The following GTF2IRD1 variants were observed in gnomAD, a reference collection of about 807,000 sequenced individuals.
GTF2IRD1 encodes GTF2I repeat domain containing 1, also known as general transcription factor II-I repeat domain-containing protein 1.
A neutral mutation model predicts 113.2 loss-of-function variants in GTF2IRD1; 26 were observed. The ratio of observed to expected loss-of-function variants is 0.23; its 90% CI spans 0.17 to 0.32. The LOEUF is 0.32. GTF2IRD1 is among the 10% of genes least tolerant of loss of function. GTF2IRD1 has a pLI of 1.00. For missense variants in GTF2IRD1, 864 were observed against 1,280.8 expected (o/e 0.67, Z 4.97); for synonymous variants, 484 against 529.1 (o/e 0.91, Z 1.17).
intron 25 of GTF2IRD1, 84 bp downstream of exon 25, chr7:74,595,135 G>T: frequency 1.1e-6 from 1 of 941,420 alleles, no homozygotes; most frequent in South Asian, 1.4e-5. Flanking sequence ...CCCGGGCGCA[G>T]TGGCTCATGC....
chr7:74,516,626 G>T (rs1444796876), intron 4 of GTF2IRD1, among the ~76,000 whole-genome samples: 1 of 152,188 alleles, frequency 6.6e-6, no homozygotes, highest in African/African-American at 2.4e-5. Context: ...AAAGGTCTGT[G>T]AGGAAACTTC....
chr7:74,466,975 G>T (rs1472518460), intron 1 of GTF2IRD1, among the ~76,000 whole-genome samples: 1 of 149,878 alleles, frequency 6.7e-6, no homozygotes. Context: ...TTTGGAGACA[G>T]GGTCTCGCTC....
chr7:74,579,752 C>A (rs1398001651), intron 22 of GTF2IRD1, among the ~76,000 whole-genome samples: 1 of 152,076 alleles, frequency 6.6e-6, no homozygotes, highest in Non-Finnish European at 1.5e-5. Context: ...CTAATTTTTC[C>A]ATTTTTATAG....
At position 74,599,332 on chromosome 7, in the gene GTF2IRD1, A is replaced by G. The variant is rs147030269; in HGVS notation, c.2630-1712A>G. Among the ~76,000 whole-genome samples the G allele has an allele frequency of 3.7e-3, 567 of 152,264 alleles. 6 individuals carry two copies. Among genetic ancestry groups the G allele is most frequent in the African/African-American group, 0.013 (527 of 41,564 alleles). On this transcript the variant is annotated intron_variant, in intron 25 of 26. Coordinates refer to ENST00000424337, the MANE Select transcript of GTF2IRD1 (RefSeq NM_005685.4). Reference sequence around the variant, plus strand: ...GGGCGAGGTTTCCATGCAGTAATCCATCCAATCAGGACGTGCTGCTCAAAG... The same window carrying G: ...GGGCGAGGTTTCCATGCAGTAATCCGTCCAATCAGGACGTGCTGCTCAAAG...
At chr7:74,536,455 T>C (rs747812651) in intron 11 of GTF2IRD1, among the ~76,000 whole-genome samples, 180 bp downstream of exon 11, 120 of 152,212 alleles carry the variant, frequency 7.9e-4, no homozygotes, top group Non-Finnish European at 1.1e-3. Flanking sequence ...AACTCTCACA[T>C]AGAGAACTCT....
At position 74,535,143 on chromosome 7, in the gene GTF2IRD1, G is replaced by A; in HGVS notation, c.1300+5G>A. ...TTGATGAGCGAATTTTCACAGGTAT[G>A]TGGGGACCATCTAGTCCATTCTGAA... On this transcript the variant is annotated splice_donor_5th_base_variant and intron_variant, in intron 10 of 26. Coordinates refer to ENST00000424337, the MANE Select transcript of GTF2IRD1 (RefSeq NM_005685.4). 6.2e-7 allele frequency: 1 copy of A among 1,611,326 alleles called. No homozygotes were observed. Among genetic ancestry groups the A allele is most frequent in the South Asian group, 1.1e-5 (1 of 91,022 alleles).
At chr7:74,472,972 G>A (rs1461215926) in intron 1 of GTF2IRD1, among the ~76,000 whole-genome samples, 2 of 152,210 alleles carry the variant, frequency 1.3e-5, no homozygotes, top group Non-Finnish European at 2.9e-5. Flanking sequence ...AGTGGTCAGA[G>A]CATCTGCAAC....
intron 3 of GTF2IRD1, 78 bp from the exon 4 acceptor site, chr7:74,515,363 G>C: frequency 6.5e-7 from 1 of 1,542,058 alleles, no homozygotes. Context: ...GCTCAGCACA[G>C]GGCAGCGACA....
intron 22 of GTF2IRD1, among the ~76,000 whole-genome samples, chr7:74,559,976 C>T (rs1286258282): frequency 3.9e-5 from 6 of 152,150 alleles, no homozygotes; most frequent in East Asian, 1.9e-4. Flanking sequence ...GACGGGGTTT[C>T]ACCATGTTGG....
chr7:74,516,951 A>G (rs1244981105), intron 4 of GTF2IRD1, among the ~76,000 whole-genome samples: 1 of 150,612 alleles, frequency 6.6e-6, no homozygotes, highest in Non-Finnish European at 1.5e-5. Context: ...CCGAGCCCCC[A>G]TCTTTGTTCC....
chr7:74,551,851 A>T (rs1266452283), intron 17 of GTF2IRD1, among the ~76,000 whole-genome samples: 1 of 151,606 alleles, frequency 6.6e-6, no homozygotes, highest in Non-Finnish European at 1.5e-5. Flanking sequence ...CAGGAGAATC[A>T]CTTGAACCTG....
intron 1 of GTF2IRD1, among the ~76,000 whole-genome samples, chr7:74,471,993 A>G (rs1554332538): frequency 6.6e-6 from 1 of 152,214 alleles, no homozygotes; most frequent in Non-Finnish European, 1.5e-5. Flanking sequence ...CTCTGTCTCA[A>G]CAACAAACAA....
At chr7:74,565,691 C>T (rs1403615525) in intron 22 of GTF2IRD1, among the ~76,000 whole-genome samples, 2 of 151,986 alleles carry the variant, frequency 1.3e-5, no homozygotes, top group African/African-American at 4.8e-5. Context: ...TAAAGGGGGT[C>T]GGGCATGGTG....
chr7:74,488,937 T>A (rs1795172140), intron 1 of GTF2IRD1, among the ~76,000 whole-genome samples: 2 of 150,416 alleles, frequency 1.3e-5, no homozygotes, highest in South Asian at 2.1e-4. Context: ...AGGTCAGGAG[T>A]TCAAGACCAG....
chr7:74,549,137 C>T (rs1184744417), intron 17 of GTF2IRD1, among the ~76,000 whole-genome samples: 9 of 151,814 alleles, frequency 5.9e-5, no homozygotes, highest in African/African-American at 2.2e-4. Context: ...TAAAAATACA[C>T]AGATTAGCCA....
chr7:74,521,447 T>C, intron 7 of GTF2IRD1, 150 bp downstream of exon 7: 5 of 654,150 alleles, frequency 7.6e-6, no homozygotes, highest in Non-Finnish European at 1.1e-5. Context: ...TGGGGTGTAA[T>C]AGTTATCTAT....
intron 17 of GTF2IRD1, among the ~76,000 whole-genome samples, chr7:74,549,548 G>A (rs587627617): frequency 3.9e-5 from 6 of 152,280 alleles, no homozygotes; most frequent in South Asian, 2.1e-4. Flanking sequence ...ATGCAACAGG[G>A]CTGGAGAGCA....
intron 17 of GTF2IRD1, among the ~76,000 whole-genome samples, chr7:74,548,415 TC>T (rs1235942252): frequency 6.7e-6 from 1 of 149,456 alleles, no homozygotes; most frequent in African/African-American, 2.5e-5. Context: ...GAGCGAGACT[TC>T]GTCTCAAAAA....
At chr7:74,529,274 G>T (rs1554348082) in intron 8 of GTF2IRD1, among the ~76,000 whole-genome samples, 1 of 151,986 alleles carries the variant, frequency 6.6e-6, no homozygotes, top group Non-Finnish European at 1.5e-5. Context: ...TATTTTTTGA[G>T]ACAGGGTCTC....
Sources: allele counts gnomAD v4.1 joint callset (sites outside exome capture counted in the v4.1 genomes callset), GRCh38; gene constraint gnomAD v4.1.1; transcripts MANE v1.5; gene names NCBI Gene and HGNC (gene_info 2026-07-23, HGNC 2026-07-21).